LRIG2: variants seen among roughly 807,000 people sequenced by gnomAD.
LRIG2 encodes the protein leucine-rich repeats and immunoglobulin-like domains protein 2.
Under a neutral mutation model 107.8 loss-of-function variants are expected in LRIG2, and 93 were observed. That is an observed-to-expected ratio of 0.86 (90% confidence interval 0.73 to 1.03). The LOEUF (loss-of-function observed/expected upper bound fraction) is 1.03. Among genes scored for constraint, LRIG2 ranks in the 50% least tolerant of loss-of-function variants. The pLI is 0.00. For missense variants in LRIG2, 1,226 were observed against 1,296.0 expected (o/e 0.95, Z 0.83); for synonymous variants, 471 against 470.6 (o/e 1.00, Z -0.01).
chr1:113,107,578 CTT>C lies in LRIG2; in HGVS notation c.1314-13_1314-12del, dbSNP rs755159875. On this transcript the variant is annotated splice_polypyrimidine_tract_variant and intron_variant, in intron 11 of 17. Transcript: ENST00000361127. ...AAGTAAAACAAAGGATGCTTTTCCT[CTT>C]TTCTTTCCTGCAGGATTCTGAACAC... The C allele has an allele frequency of 5.6e-6, 9 of 1,599,122 alleles. No homozygotes were observed. In the South Asian group the frequency reaches 9.1e-5, roughly 16 times the overall value.
At chr1:113,120,765 C>T (rs1655214079) in intron 17 of LRIG2, among the ~76,000 whole-genome samples, 2 of 151,882 alleles carry the variant, frequency 1.3e-5, no homozygotes, top group South Asian at 4.2e-4. Context: ...CCACCTTGGC[C>T]TCCCAAAGTG....
rs1264369600 is a variant in LRIG2 at position 113,128,723 on chromosome 1, ACT to A, written c.*4624_*4625del. ...CAGTATTAGTAAACAAAGAATCTTGACTCAGTTGAAAAACCACCCATTGCTCT... is the reference window on the plus strand; with the variant it reads ...CAGTATTAGTAAACAAAGAATCTTGACAGTTGAAAAACCACCCATTGCTCT... On this transcript the variant is annotated 3_prime_UTR_variant, in exon 18 of 18. Transcript: ENST00000361127. The A allele has an allele frequency of 1.3e-5, 2 of 152,174 alleles. No individual in the cohort carries two copies. The highest frequency in any genetic ancestry group is 1.9e-4 in the East Asian group (1 of 5,198). The allele number at this position is 152,174 out of a possible 1,614,324, so 9.4% of individuals were successfully genotyped here.
At chr1:113,092,952 G>A (rs1172104452) in intron 2 of LRIG2, among the ~76,000 whole-genome samples, 1 of 150,684 alleles carries the variant, frequency 6.6e-6, no homozygotes, top group African/African-American at 2.4e-5. Context: ...TTGCACCATT[G>A]CACTCCAGCC....
chr1:113,117,631 G>A (rs986229425), intron 16 of LRIG2, among the ~76,000 whole-genome samples: 4 of 150,726 alleles, frequency 2.7e-5, no homozygotes, highest in African/African-American at 7.3e-5. Flanking sequence ...TTACAGGTGC[G>A]TGCCACCATA....
chr1:113,095,982 T>G lies in LRIG2; in HGVS notation c.912T>G (p.Pro304=), dbSNP rs1254820814. ...AGAATGCTATTGAAAGAATCAGCCC[T>G]GATGCATGGGAGTTCTGCCAAAGAC... ...VSQNAIERIS[P]DAWEFCQRLS... The change falls in exon 7 of 18, where the codon CCT becomes CCG. Residue 304 remains proline (P), a synonymous_variant. Coordinates refer to ENST00000361127, the MANE Select transcript of LRIG2 (RefSeq NM_014813.3). The G allele has an allele frequency of 1.2e-6, 2 of 1,614,050 alleles. No homozygotes were observed. The highest frequency in any genetic ancestry group is 2.7e-5 in the African/African-American group (2 of 74,926).
Position 113,073,324 on chromosome 1 carries a change from C to T in LRIG2, c.-83C>T, listed in dbSNP as rs1167125922. ...GGGCTTCGGGAGACAGTGCAGCCAC[C>T]GAGCATCTCTGCTGAGCTTCTCCGC... On this transcript the variant is annotated 5_prime_UTR_variant, in exon 1 of 18. An upstream open reading frame in the 5' UTR gains an earlier in-frame stop. Coordinates refer to ENST00000361127, the MANE Select transcript of LRIG2 (RefSeq NM_014813.3). The T allele has an allele frequency of 5.3e-6, 6 of 1,132,314 alleles. No homozygotes were observed. The East Asian group carries it at 9.4e-5, about 18-fold the overall frequency. The allele number at this position is 1,132,314 out of a possible 1,614,324, so 70.1% of individuals were successfully genotyped here. A position where few individuals can be genotyped will look rare whatever the true frequency, so the allele number is the denominator to read the frequency against.
chr1:113,093,891 A>G (rs1261405649), intron 4 of LRIG2, among the ~76,000 whole-genome samples: 2 of 152,240 alleles, frequency 1.3e-5, no homozygotes, highest in African/African-American at 4.8e-5. Context: ...AGACAAACCT[A>G]GAGTTGGTGT....
chr1:113,091,800 A>C (rs1033763621), intron 2 of LRIG2, among the ~76,000 whole-genome samples: 1 of 152,224 alleles, frequency 6.6e-6, no homozygotes, highest in African/African-American at 2.4e-5. Flanking sequence ...TCATATGAGA[A>C]TGTAATGATT....
intron 3 of LRIG2, 75 bp downstream of exon 3, chr1:113,093,355 G>T: frequency 6.4e-7 from 1 of 1,562,172 alleles, no homozygotes; most frequent in Non-Finnish European, 8.7e-7. Context: ...CACATATATT[G>T]TTGATTCTAA....
intron 1 of LRIG2, among the ~76,000 whole-genome samples, chr1:113,087,954 C>T (rs17030981): frequency 0.029 from 4,392 of 152,262 alleles, 214 homozygotes; most frequent in African/African-American, 0.1. Context: ...AACCCTAGCG[C>T]TTAGTCCACT....
At chr1:113,121,897 GATTTTA>G (rs1356930258) in intron 17 of LRIG2, among the ~76,000 whole-genome samples, 1 of 151,988 alleles carries the variant, frequency 6.6e-6, no homozygotes, top group African/African-American at 2.4e-5. Context: ...TCATGCTTTT[GATTTTA>G]ATTTTAGTAG....
At chr1:113,123,727 T>TTTTTTGTG (rs1437564600) in intron 17 of LRIG2, 148 bp from the exon 18 acceptor site, 49 of 597,178 alleles carry the variant, frequency 8.2e-5, no homozygotes, top group African/African-American at 8.2e-4. Context: ...GTGGTGGTTT[T>TTTTTTGTG]TGTGTGTGTG....
At chr1:113,084,416 C>T (rs1284168972) in intron 1 of LRIG2, among the ~76,000 whole-genome samples, 4 of 151,840 alleles carry the variant, frequency 2.6e-5, no homozygotes, top group Admixed American at 6.6e-5. Flanking sequence ...GGGGTTTCAC[C>T]GTGTTAGCCA....
At chr1:113,112,355 T>C (rs1157329817) in intron 13 of LRIG2, 124 bp from the exon 14 acceptor site, 21 of 844,932 alleles carry the variant, frequency 2.5e-5, no homozygotes, top group Non-Finnish European at 3.9e-5. Context: ...AGAGAGCCTG[T>C]CTTCACAAAG....
At chr1:113,094,518 T>C (rs1232079980) in intron 5 of LRIG2, 36 bp downstream of exon 5, 1 of 1,580,116 alleles carries the variant, frequency 6.3e-7, no homozygotes, top group Non-Finnish European at 8.6e-7. Context: ...AAGAAGATAG[T>C]TTTTTCTTAC....
At chr1:113,079,977 C>T (rs1008071951) in intron 1 of LRIG2, among the ~76,000 whole-genome samples, 3 of 147,192 alleles carry the variant, frequency 2.0e-5, no homozygotes, top group Non-Finnish European at 4.5e-5. Flanking sequence ...ATCCGCCTGC[C>T]TCAGTCTCCC....
At chr1:113,083,941 A>G (rs916921613) in intron 1 of LRIG2, among the ~76,000 whole-genome samples, 1 of 150,322 alleles carries the variant, frequency 6.7e-6, no homozygotes, top group Non-Finnish European at 1.5e-5. Flanking sequence ...AATGTGGCAC[A>G]TCTATACATA....
chr1:113,108,882 AC>A (rs1038076835), intron 12 of LRIG2, among the ~76,000 whole-genome samples: 13 of 152,098 alleles, frequency 8.5e-5, no homozygotes, highest in African/African-American at 3.1e-4. Context: ...TCTCAAAAAA[AC>A]AATTTTTTTT....
rs370012473 is a variant in LRIG2 at position 113,091,369 on chromosome 1, A to G, written c.291A>G (p.Gln97=). ...LSNWNISLES[Q]TLQEVKMNYN... ...ACTGGAACATCAGCTTGGAATCACAAACATTACAGGAAGTGTAAGTTATTT... is the reference window on the plus strand; with the variant it reads ...ACTGGAACATCAGCTTGGAATCACAGACATTACAGGAAGTGTAAGTTATTT... Residue 97 remains glutamine (Q), a synonymous_variant, in exon 2 of 18, where the codon CAA becomes CAG. Coordinates refer to ENST00000361127, the MANE Select transcript of LRIG2 (RefSeq NM_014813.3). 17 of 1,597,140 alleles carry G rather than the reference A, an allele frequency of 1.1e-5. No individual in the cohort carries two copies. Among genetic ancestry groups the G allele is most frequent in the East Asian group, 2.2e-5 (1 of 44,484 alleles).
Sources: gnomAD v4.1 joint callset for allele counts (sites outside exome capture counted in the v4.1 genomes callset) on GRCh38, gnomAD v4.1.1 for gene constraint, MANE v1.5 for transcripts, NCBI Gene and HGNC (gene_info 2026-07-23, HGNC 2026-07-21) for gene names.